MAGI3: variants seen among roughly 807,000 people sequenced by gnomAD.
MAGI3 encodes the protein membrane-associated guanylate kinase, WW and PDZ domain-containing protein 3.
A neutral mutation model predicts 121.8 loss-of-function variants in MAGI3; 43 were observed. The ratio of observed to expected loss-of-function variants is 0.35; its 90% CI spans 0.28 to 0.46. The LOEUF (loss-of-function observed/expected upper bound fraction) is 0.46, where lower values mean the gene tolerates loss of function less well. MAGI3 is among the 20% of genes least tolerant of loss of function. The pLI, the probability that MAGI3 is intolerant of heterozygous loss-of-function variation, is 1.00. For synonymous variants in MAGI3, 553 were observed against 639.3 expected (o/e 0.86, Z 2.04); for missense variants, 1,547 against 1,797.3 (o/e 0.86, Z 2.52).
intron 17 of MAGI3, 36 bp from the exon 18 acceptor site, chr1:113,672,579 C>T: frequency 1.3e-6 from 2 of 1,581,832 alleles, no homozygotes; most frequent in Non-Finnish European, 8.6e-7. Context: ...TTCATTTTCT[C>T]AGTTCAGAGA....
intron 6 of MAGI3, among the ~76,000 whole-genome samples, chr1:113,601,253 G>A (rs1032075539): frequency 6.6e-6 from 1 of 152,072 alleles, no homozygotes; most frequent in African/African-American, 2.4e-5. Flanking sequence ...CTTCTGCACA[G>A]CAAAAGAAAC....
chr1:113,495,269 A>T (rs2101588510), intron 1 of MAGI3, among the ~76,000 whole-genome samples: 1 of 152,328 alleles, frequency 6.6e-6, no homozygotes, highest in East Asian at 1.9e-4. Flanking sequence ...TAAAACAATA[A>T]GCACATATAC....
At chr1:113,443,386 A>G (rs537778968) in intron 1 of MAGI3, among the ~76,000 whole-genome samples, 6 of 152,268 alleles carry the variant, frequency 3.9e-5, no homozygotes, top group African/African-American at 1.4e-4. Context: ...CCTAGAAGGG[A>G]ATTAATGGAA....
At chr1:113,394,895 A>G (rs1402304143) in intron 1 of MAGI3, among the ~76,000 whole-genome samples, 1 of 152,126 alleles carries the variant, frequency 6.6e-6, no homozygotes, top group Admixed American at 6.5e-5. Context: ...TGTTAAAGGT[A>G]GGTAAAAGTC....
At chr1:113,679,223 A>G (rs974327047) in intron 19 of MAGI3, among the ~76,000 whole-genome samples, 2 of 152,074 alleles carry the variant, frequency 1.3e-5, no homozygotes, top group Non-Finnish European at 2.9e-5. Flanking sequence ...ATAGTACCCA[A>G]TAGGCAGTTT....
chr1:113,681,111 A>C (rs1239463960), intron 19 of MAGI3, 87 bp from the exon 20 acceptor site: 2 of 1,486,454 alleles, frequency 1.3e-6, no homozygotes, highest in Non-Finnish European at 1.8e-6. Flanking sequence ...ATCACTTAGC[A>C]AGGTTGAATG....
chr1:113,651,292 A>G lies in MAGI3; in HGVS notation c.2440+86A>G, dbSNP rs1653149290. On this transcript the variant is annotated intron_variant, in intron 14 of 20. Transcript: ENST00000307546. ...CCTGTGTAGTTTTGCAGGTTATTTT[A>G]TTACATTCAGTAGTATCTAAGATAA... 4 of 1,291,246 alleles carry G rather than the reference A, an allele frequency of 3.1e-6. No individual in the cohort carries two copies. The South Asian group carries it at 4.6e-5, about 15-fold the overall frequency. 80.0% of individuals were successfully genotyped at this position (1,291,246 alleles called of 1,614,324 possible).
intron 6 of MAGI3, among the ~76,000 whole-genome samples, chr1:113,608,833 G>A (rs1649949716): frequency 6.6e-6 from 1 of 152,136 alleles, no homozygotes; most frequent in Non-Finnish European, 1.5e-5. Flanking sequence ...CTGAACATAT[G>A]TCTTGGTTGG....
At chr1:113,411,837 A>C (rs955761939) in intron 1 of MAGI3, among the ~76,000 whole-genome samples, 4 of 151,952 alleles carry the variant, frequency 2.6e-5, no homozygotes, top group African/African-American at 9.7e-5. Flanking sequence ...AAAATGTACA[A>C]TTTGTTTGTG....
intron 9 of MAGI3, among the ~76,000 whole-genome samples, chr1:113,635,718 T>G (rs2101810807): frequency 1.3e-5 from 2 of 152,370 alleles, no homozygotes; most frequent in Admixed American, 1.3e-4. Context: ...CCAGCTTTGG[T>G]GTCAGGATGA....
intron 19 of MAGI3, among the ~76,000 whole-genome samples, chr1:113,677,070 A>T (rs544272930): frequency 6.6e-6 from 1 of 152,310 alleles, no homozygotes; most frequent in South Asian, 2.1e-4. Context: ...TTAATTTGTA[A>T]CATAGATGGA....
intron 9 of MAGI3, 93 bp from the exon 10 acceptor site, chr1:113,641,818 T>C (rs1557869650): frequency 3.3e-6 from 4 of 1,210,428 alleles, no homozygotes; most frequent in Non-Finnish European, 4.5e-6. Context: ...AATTCAAATT[T>C]AGTTGCTAAA....
At chr1:113,617,573 G>T (rs1650555178) in intron 7 of MAGI3, among the ~76,000 whole-genome samples, 1 of 151,968 alleles carries the variant, frequency 6.6e-6, no homozygotes, top group African/African-American at 2.4e-5. Flanking sequence ...TTACTCATTT[G>T]CATACGTCTA....
At chr1:113,677,637 AACG>A (rs1417448522) in intron 19 of MAGI3, among the ~76,000 whole-genome samples, 1 of 152,314 alleles carries the variant, frequency 6.6e-6, no homozygotes, top group Admixed American at 6.5e-5. Flanking sequence ...TTGTTTTTAA[AACG>A]ACAAGACTGC....
At chr1:113,544,971 A>T (rs949953578) in intron 1 of MAGI3, among the ~76,000 whole-genome samples, 1 of 152,178 alleles carries the variant, frequency 6.6e-6, no homozygotes, top group Non-Finnish European at 1.5e-5. Context: ...TAAATTTTCA[A>T]TACTGAAATG....
At chr1:113,411,722 T>C (rs1652001247) in intron 1 of MAGI3, among the ~76,000 whole-genome samples, 1 of 151,024 alleles carries the variant, frequency 6.6e-6, no homozygotes, top group Admixed American at 6.6e-5. Flanking sequence ...TTTTTTGGTT[T>C]TTTTTTTTTC....
chr1:113,587,278 A>G (rs1178198999), intron 4 of MAGI3, among the ~76,000 whole-genome samples: 3 of 152,140 alleles, frequency 2.0e-5, no homozygotes, highest in Admixed American at 6.6e-5. Context: ...GCTCACTGCA[A>G]TCTGTCTCCT....
chr1:113,534,394 C>T (rs760961660), intron 1 of MAGI3, among the ~76,000 whole-genome samples: 3 of 152,156 alleles, frequency 2.0e-5, no homozygotes, highest in African/African-American at 4.8e-5. Context: ...TCCCGCCTAT[C>T]ACTCTAGTCA....
At chr1:113,588,431 T>C (rs1648511830) in intron 4 of MAGI3, among the ~76,000 whole-genome samples, 1 of 152,140 alleles carries the variant, frequency 6.6e-6, no homozygotes, top group Non-Finnish European at 1.5e-5. Context: ...ATGATGGGCA[T>C]GAGGAGGGAA....
Sources: allele counts gnomAD v4.1 joint callset (sites outside exome capture counted in the v4.1 genomes callset), GRCh38; gene constraint gnomAD v4.1.1; transcripts MANE v1.5; gene names NCBI Gene and HGNC (gene_info 2026-07-23, HGNC 2026-07-21).